Variants in LARGE1 observed in about 807,000 individuals in gnomAD.
The protein encoded by LARGE1 is xylosyl- and glucuronyltransferase LARGE1.
A neutral mutation model predicts 87.6 loss-of-function variants in LARGE1; 43 were observed. That is an observed-to-expected ratio of 0.49 (90% CI 0.38 to 0.63). The LOEUF is 0.63. Among genes scored for constraint, LARGE1 ranks in the 30% least tolerant of loss-of-function variants. The pLI, the probability that LARGE1 is intolerant of heterozygous loss-of-function variation, is 0.00. For missense variants in LARGE1, 802 were observed against 1,000.2 expected, an observed-to-expected ratio of 0.80 and a Z score of 2.67; for synonymous variants, 434 against 394.6, an observed-to-expected ratio of 1.10 and a Z score of -1.18.
intron 1 of LARGE1, among the ~76,000 whole-genome samples, chr22:33,816,693 C>CAGATAGAT (rs61295720): frequency 1.9e-5 from 2 of 107,270 alleles, no homozygotes; most frequent in Non-Finnish European, 3.8e-5. Context: ...GATAGATAGA[C>CAGATAGAT]AGACAGACAG....
chr22:33,099,205 C>T, the LARGE1 span, among the ~76,000 whole-genome samples: 247 of 152,106 alleles, frequency 1.6e-3, 2 homozygotes, highest in Admixed American at 7.0e-3. Flanking sequence ...CAAAATAAGG[C>T]GTGGAAGATA....
At chr22:33,888,713 C>G (rs886138466) in intron 1 of LARGE1, among the ~76,000 whole-genome samples, 1 of 151,724 alleles carries the variant, frequency 6.6e-6, no homozygotes, top group African/African-American at 2.4e-5. Flanking sequence ...AAAAATTAGC[C>G]AAGCATGGTG....
At chr22:33,871,982 C>CAAAAACAAAAAAAAAA (rs2064298688) in intron 1 of LARGE1, among the ~76,000 whole-genome samples, 1 of 86,814 alleles carries the variant, frequency 1.2e-5, no homozygotes, top group African/African-American at 3.9e-5. Flanking sequence ...TCTAAATCAG[C>CAAAAACAAAAAAAAAA]AAAAAAAAAA....
At chr22:33,148,863 T>A in the LARGE1 span, among the ~76,000 whole-genome samples, 38 of 152,222 alleles carry the variant, frequency 2.5e-4, no homozygotes, top group Non-Finnish European at 4.0e-4. Flanking sequence ...TATTTATGTA[T>A]CCTCTTTGGT....
chr22:33,071,874 C>T, the LARGE1 span, among the ~76,000 whole-genome samples: 16 of 152,200 alleles, frequency 1.1e-4, no homozygotes, highest in African/African-American at 3.6e-4. Context: ...ATCAAGGCCC[C>T]AGCCTTCCTA....
At position 33,650,659 on chromosome 22, in the gene LARGE1, G is replaced by C. The variant is rs2080773703; in HGVS notation, c.116C>G (p.Pro39Arg). The change falls in exon 3 of 15, where the codon CCC (proline) becomes CGC (arginine). Residue 39 changes from proline to arginine, a missense_variant. Physicochemically the swap from Pro to Arg is moderately radical, Grantham distance 103. Coordinates refer to ENST00000397394, the MANE Select transcript of LARGE1 (RefSeq NM_133642.5). ...GGACTCCAGCGGTGACAGAGACACG[G>C]GCTTTCCATCTGGGGAGCGAAACAC... ...LFSGSFEDGK[P>R]VSLSPLESQA... The C allele has an allele frequency of 1.9e-6, 3 of 1,600,666 alleles. No individual in the cohort carries two copies. Among genetic ancestry groups the C allele is most frequent in the Non-Finnish European group, 2.5e-6 (3 of 1,179,950 alleles).
chr22:33,719,806 C>T (rs540771019), intron 2 of LARGE1, among the ~76,000 whole-genome samples: 1 of 152,238 alleles, frequency 6.6e-6, no homozygotes, highest in Non-Finnish European at 1.5e-5. Flanking sequence ...AGACGTGAGC[C>T]ACCGCACCTG....
chr22:33,717,145 C>T (rs989417454), intron 2 of LARGE1, among the ~76,000 whole-genome samples: 2 of 152,136 alleles, frequency 1.3e-5, no homozygotes, highest in African/African-American at 4.8e-5. Flanking sequence ...TCTCTTCTTT[C>T]CTCCCTCCAT....
chr22:33,341,736 CTGTG>C (rs1939168234), intron 9 of LARGE1, among the ~76,000 whole-genome samples: 1 of 152,184 alleles, frequency 6.6e-6, no homozygotes, highest in South Asian at 2.1e-4. Context: ...CTTTACTTAG[CTGTG>C]TGTGTCCTTG....
chr22:33,345,894 A>C (rs1244726082), intron 9 of LARGE1, among the ~76,000 whole-genome samples: 1 of 152,246 alleles, frequency 6.6e-6, no homozygotes, highest in East Asian at 1.9e-4. Context: ...GGTGCAAAAC[A>C]GTGAAGAAAT....
chr22:33,269,810 C>T (rs964437137), downstream of LARGE1, among the ~76,000 whole-genome samples: 1 of 152,052 alleles, frequency 6.6e-6, no homozygotes, highest in Non-Finnish European at 1.5e-5. Context: ...TCGAGACCAT[C>T]CTGGCTAAAA....
intron 1 of LARGE1, among the ~76,000 whole-genome samples, chr22:33,876,862 A>G (rs1272710023): frequency 3.0e-4 from 41 of 137,408 alleles, no homozygotes; most frequent in Admixed American, 2.3e-3. Flanking sequence ...AATGTACTGG[A>G]AAAAAAAAAA....
At chr22:33,470,980 C>T (rs2068809508) in intron 6 of LARGE1, among the ~76,000 whole-genome samples, 1 of 150,840 alleles carries the variant, frequency 6.6e-6, no homozygotes, top group Non-Finnish European at 1.5e-5. Context: ...TGTAAAATGA[C>T]TTATAAACGT....
chr22:33,167,362 CAA>C (rs1404373360), intron 11 of LARGE1, among the ~76,000 whole-genome samples: 1 of 152,138 alleles, frequency 6.6e-6, no homozygotes, highest in Non-Finnish European at 1.5e-5. Context: ...AAAATTTGTT[CAA>C]AGTCACATGA....
the LARGE1 span, among the ~76,000 whole-genome samples, chr22:33,120,420 TTCTTTC>T: frequency 0.035 from 4,518 of 129,718 alleles, 84 homozygotes; most frequent in South Asian, 0.07. Context: ...CCTTCTTTCT[TTCTTTC>T]TCTCTCTCTC....
intron 2 of LARGE1, among the ~76,000 whole-genome samples, chr22:33,685,762 A>G (rs1327946812): frequency 6.6e-6 from 1 of 152,214 alleles, no homozygotes; most frequent in Non-Finnish European, 1.5e-5. Flanking sequence ...CTGAGAGCTG[A>G]CTATAGGTCT....
intron 7 of LARGE1, among the ~76,000 whole-genome samples, chr22:33,424,305 G>A (rs1177310495): frequency 6.6e-6 from 1 of 152,204 alleles, no homozygotes; most frequent in Non-Finnish European, 1.5e-5. Flanking sequence ...AGGTCAGAGT[G>A]TCACTTCCAA....
chr22:33,396,980 A>G (rs1019411095), intron 7 of LARGE1, among the ~76,000 whole-genome samples: 1 of 152,256 alleles, frequency 6.6e-6, no homozygotes, highest in South Asian at 2.1e-4. Context: ...AAAAGTGCAT[A>G]GATCATAACT....
chr22:33,877,856 A>G (rs2064516828), intron 1 of LARGE1, among the ~76,000 whole-genome samples: 1 of 152,014 alleles, frequency 6.6e-6, no homozygotes, highest in Admixed American at 6.6e-5. Flanking sequence ...TGGGAGGCAG[A>G]GGCTGCAGTG....
Sources: allele counts gnomAD v4.1 joint callset (sites outside exome capture counted in the v4.1 genomes callset), GRCh38; gene constraint gnomAD v4.1.1; transcripts MANE v1.5; gene names NCBI Gene and HGNC (gene_info 2026-07-23, HGNC 2026-07-21).